The following ITGA9 variants were observed in gnomAD, a reference collection of about 807,000 sequenced individuals.
ITGA9 encodes the protein integrin subunit alpha 9.
In ITGA9, 56 loss-of-function variants were observed where a neutral mutation model predicts 127.8. The ratio of observed to expected loss-of-function variants is 0.44; its 90% CI spans 0.35 to 0.55. The LOEUF (loss-of-function observed/expected upper bound fraction) is 0.55. ITGA9 is among the 20% of genes least tolerant of loss of function. The probability of loss-of-function intolerance (pLI) is 0.00; values close to 1 mark genes in which losing one functional copy is unlikely to be tolerated. For synonymous variants in ITGA9, 508 were observed against 514.5 expected (o/e 0.99, Z 0.17); for missense variants, 1,196 against 1,347.1 (o/e 0.89, Z 1.76).
intron 11 of ITGA9, among the ~76,000 whole-genome samples, chr3:37,520,893 C>T (rs911164522): frequency 6.6e-5 from 10 of 152,230 alleles, no homozygotes; most frequent in Admixed American, 5.2e-4. Flanking sequence ...AAGCTAATCA[C>T]ACAGTGAGGC....
intron 15 of ITGA9, among the ~76,000 whole-genome samples, chr3:37,595,171 C>T (rs899739576): frequency 5.9e-5 from 9 of 151,962 alleles, no homozygotes; most frequent in African/African-American, 2.2e-4. Flanking sequence ...GTGGTACAGT[C>T]TCCGCTCACT....
intron 16 of ITGA9, among the ~76,000 whole-genome samples, chr3:37,644,104 T>G (rs1375030990): frequency 1.3e-5 from 2 of 152,100 alleles, no homozygotes; most frequent in Non-Finnish European, 2.9e-5. Context: ...GAAGAGAGTT[T>G]TGAGCTGAAA....
intron 23 of ITGA9, among the ~76,000 whole-genome samples, chr3:37,776,297 A>C (rs111979657): frequency 6.6e-6 from 1 of 152,330 alleles, no homozygotes; most frequent in African/African-American, 2.4e-5. Context: ...AAGTTTACCT[A>C]TATAACACAC....
chr3:37,772,215 G>A (rs563992814), intron 23 of ITGA9, among the ~76,000 whole-genome samples: 8 of 152,244 alleles, frequency 5.3e-5, no homozygotes, highest in African/African-American at 1.9e-4. Flanking sequence ...AGACCAGCCT[G>A]ACCAATATGG....
chr3:37,813,792 CTTAT>C (rs1295591043), intron 27 of ITGA9, among the ~76,000 whole-genome samples: 1 of 152,164 alleles, frequency 6.6e-6, no homozygotes, highest in Non-Finnish European at 1.5e-5. Flanking sequence ...AATTCTGACA[CTTAT>C]TATAAGACAT....
chr3:37,550,898 C>G (rs1188806923), intron 15 of ITGA9, among the ~76,000 whole-genome samples: 1 of 152,134 alleles, frequency 6.6e-6, no homozygotes, highest in African/African-American at 2.4e-5. Context: ...TTTAGATTCA[C>G]AAGGTACAGG....
intron 6 of ITGA9, among the ~76,000 whole-genome samples, chr3:37,505,089 A>C (rs1027443203): frequency 6.6e-6 from 1 of 151,128 alleles, no homozygotes; most frequent in African/African-American, 2.4e-5. Flanking sequence ...CCATCTACCC[A>C]ACCATGCATC....
chr3:37,714,873 G>A (rs1701118187), intron 18 of ITGA9, among the ~76,000 whole-genome samples: 1 of 152,172 alleles, frequency 6.6e-6, no homozygotes, highest in Admixed American at 6.5e-5. Context: ...GCACTCTGAA[G>A]GCCCCACTGA....
At chr3:37,626,151 C>T (rs1183196811) in intron 15 of ITGA9, among the ~76,000 whole-genome samples, 1 of 152,188 alleles carries the variant, frequency 6.6e-6, no homozygotes, top group African/African-American at 2.4e-5. Flanking sequence ...TCCCATTCAT[C>T]CTTGTGTGTG....
At chr3:37,573,578 T>C (rs184476805) in intron 15 of ITGA9, among the ~76,000 whole-genome samples, 1 of 152,250 alleles carries the variant, frequency 6.6e-6, no homozygotes, top group African/African-American at 2.4e-5. Flanking sequence ...CCAGAACACC[T>C]ACGTGTGGCC....
chr3:37,573,215 G>C (rs1168649356), intron 15 of ITGA9: 2 of 152,130 alleles, frequency 1.3e-5, no homozygotes, highest in African/African-American at 4.8e-5. Context: ...ATAACACTCA[G>C]AGCTGGGATT....
chr3:37,668,011 C>T (rs1386007431), intron 17 of ITGA9, among the ~76,000 whole-genome samples: 80 of 151,904 alleles, frequency 5.3e-4, no homozygotes, highest in Admixed American at 2.6e-4. Context: ...GTGTAGGGAC[C>T]GCCACCCAAG....
intron 15 of ITGA9, among the ~76,000 whole-genome samples, chr3:37,587,507 A>G (rs1483170890): frequency 2.0e-5 from 3 of 152,172 alleles, no homozygotes; most frequent in Non-Finnish European, 4.4e-5. Flanking sequence ...ATATCCTTCA[A>G]AAAACCAAAC....
At chr3:37,751,511 TC>T (rs1230005084) in intron 23 of ITGA9, among the ~76,000 whole-genome samples, 1 of 152,146 alleles carries the variant, frequency 6.6e-6, no homozygotes, top group Non-Finnish European at 1.5e-5. Context: ...CCTTTTTTTT[TC>T]CTATGGGCAA....
intron 25 of ITGA9, among the ~76,000 whole-genome samples, chr3:37,782,422 A>T (rs1403078381): frequency 6.6e-6 from 1 of 152,140 alleles, no homozygotes; most frequent in Non-Finnish European, 1.5e-5. Context: ...TGTCCCAGTG[A>T]CTACTGTCCC....
At chr3:37,508,878 T>C (rs986363224) in intron 8 of ITGA9, among the ~76,000 whole-genome samples, 1 of 152,190 alleles carries the variant, frequency 6.6e-6, no homozygotes, top group African/African-American at 2.4e-5. Context: ...CACAGAGTTT[T>C]AAGAGATTGT....
In ITGA9 at chr3:37,501,538, A is replaced by G. The variant is rs113320799; in HGVS notation, c.613-1640A>G. On this transcript the variant is annotated intron_variant, in intron 5 of 27. Coordinates refer to ENST00000264741, the MANE Select transcript of ITGA9 (RefSeq NM_002207.3). ...CGTCTCTGTCTGAATGAAGATGAGAACATTTCCATCACTTTGGGAAGTTCC... is the reference window on the plus strand; with the variant it reads ...CGTCTCTGTCTGAATGAAGATGAGAGCATTTCCATCACTTTGGGAAGTTCC... Among the ~76,000 whole-genome samples, 127 of 152,284 alleles carry G rather than the reference A, an allele frequency of 8.3e-4. 1 individual carries two copies. The highest frequency in any genetic ancestry group is 2.2e-3 in the African/African-American group (91 of 41,546).
intron 26 of ITGA9, among the ~76,000 whole-genome samples, chr3:37,792,886 G>T (rs996331912): frequency 6.6e-6 from 1 of 152,136 alleles, no homozygotes; most frequent in Non-Finnish European, 1.5e-5. Context: ...CCACTCACAC[G>T]TAAGGAATGC....
intron 8 of ITGA9, among the ~76,000 whole-genome samples, chr3:37,512,625 C>T (rs1005543623): frequency 6.6e-6 from 1 of 152,124 alleles, no homozygotes. Flanking sequence ...TGTTTTTACA[C>T]ACGAAGAAGT....
Sources: allele counts gnomAD v4.1 joint callset (sites outside exome capture counted in the v4.1 genomes callset), GRCh38; gene constraint gnomAD v4.1.1; transcripts MANE v1.5; gene names NCBI Gene and HGNC (gene_info 2026-07-23, HGNC 2026-07-21).